The following LINGO2 variants were observed in gnomAD, a reference collection of about 807,000 sequenced individuals.
LINGO2 encodes leucine rich repeat and Ig domain containing 2.
Under a neutral mutation model 30.6 loss-of-function variants are expected in LINGO2, and 14 were observed. The observed-to-expected ratio is 0.46, with a 90% CI of 0.30 to 0.72. The LOEUF (loss-of-function observed/expected upper bound fraction) is 0.72. Ranked by LOEUF, LINGO2 falls within the 30% of genes least tolerant of loss-of-function variation. The pLI, the probability that LINGO2 is intolerant of heterozygous loss-of-function variation, is 0.07. For synonymous variants in LINGO2, 317 were observed against 288.5 expected, an observed-to-expected ratio of 1.10 and a Z score of -1.00; for missense variants, 729 against 751.7, an observed-to-expected ratio of 0.97 and a Z score of 0.35.
At chr9:28,386,456 G>A (rs929461840) in intron 2 of LINGO2, among the ~76,000 whole-genome samples, 2 of 152,102 alleles carry the variant, frequency 1.3e-5, no homozygotes, top group Admixed American at 6.6e-5. Context: ...AAATAATGAT[G>A]AAGAAAGATT....
At chr9:28,181,763 A>G (rs1356625630) in intron 4 of LINGO2, among the ~76,000 whole-genome samples, 1 of 152,126 alleles carries the variant, frequency 6.6e-6, no homozygotes, top group African/African-American at 2.4e-5. Context: ...GTATAGAAAT[A>G]TAGTTTTTAC....
chr9:28,474,958 TATC>T (rs1825672444), intron 2 of LINGO2, among the ~76,000 whole-genome samples: 1 of 152,208 alleles, frequency 6.6e-6, no homozygotes, highest in Non-Finnish European at 1.5e-5. Context: ...GTCTTCTTTT[TATC>T]ATTTCATTTT....
At chr9:28,833,992 C>T in the LINGO2 span, among the ~76,000 whole-genome samples, 1 of 151,420 alleles carries the variant, frequency 6.6e-6, no homozygotes, top group Non-Finnish European at 1.5e-5. Context: ...CAATTTGAAG[C>T]TCCTGGATGT....
chr9:28,774,923 G>T, the LINGO2 span, among the ~76,000 whole-genome samples: 4 of 152,146 alleles, frequency 2.6e-5, no homozygotes, highest in African/African-American at 9.6e-5. Flanking sequence ...GACTGTTTAT[G>T]TGTTTTGCAT....
At chr9:28,727,224 A>C in the LINGO2 span, among the ~76,000 whole-genome samples, 5 of 152,310 alleles carry the variant, frequency 3.3e-5, no homozygotes, top group East Asian at 9.6e-4. Flanking sequence ...AAGAATAGGC[A>C]GCTGGGAATA....
intron 4 of LINGO2, among the ~76,000 whole-genome samples, chr9:28,172,922 G>A (rs1828643333): frequency 6.6e-6 from 1 of 152,146 alleles, no homozygotes; most frequent in African/African-American, 2.4e-5. Context: ...TGATGGACTG[G>A]AGTAATGGGA....
At chr9:28,158,039 G>T (rs1406391972) in intron 4 of LINGO2, among the ~76,000 whole-genome samples, 1 of 152,054 alleles carries the variant, frequency 6.6e-6, no homozygotes, top group Non-Finnish European at 1.5e-5. Context: ...ACATTTTCGG[G>T]TATCTTTTCA....
At chr9:28,269,487 A>T (rs962206407) in intron 4 of LINGO2, among the ~76,000 whole-genome samples, 2 of 152,092 alleles carry the variant, frequency 1.3e-5, no homozygotes, top group Admixed American at 1.3e-4. Flanking sequence ...ACAAATTTCC[A>T]TTTCTACTTT....
chr9:27,973,140 A>G (rs1021296918), intron 5 of LINGO2, among the ~76,000 whole-genome samples: 7 of 152,132 alleles, frequency 4.6e-5, no homozygotes, highest in African/African-American at 1.7e-4. Context: ...TCATAATTGC[A>G]TGATCCAATG....
At chr9:29,141,877 A>G in the LINGO2 span, among the ~76,000 whole-genome samples, 1 of 151,978 alleles carries the variant, frequency 6.6e-6, no homozygotes, top group Admixed American at 6.6e-5. Context: ...ATAAATGTAT[A>G]TGCACTCACT....
At chr9:28,901,539 A>T in the LINGO2 span, among the ~76,000 whole-genome samples, 3 of 152,006 alleles carry the variant, frequency 2.0e-5, no homozygotes, top group Admixed American at 2.0e-4. Context: ...AAAAAGATGT[A>T]AATTGTTACA....
intron 4 of LINGO2, among the ~76,000 whole-genome samples, chr9:28,074,696 T>A (rs1297941754): frequency 1.3e-5 from 2 of 152,132 alleles, no homozygotes; most frequent in Admixed American, 1.3e-4. Flanking sequence ...GCCAAACACA[T>A]GCACTAATTA....
chr9:28,383,020 G>A (rs1185706785), intron 2 of LINGO2, among the ~76,000 whole-genome samples: 1 of 152,004 alleles, frequency 6.6e-6, no homozygotes, highest in Non-Finnish European at 1.5e-5. Flanking sequence ...ATAGTAAAAG[G>A]TGGTAAGTGT....
chr9:28,348,440 C>A (rs1437507606), intron 3 of LINGO2, among the ~76,000 whole-genome samples: 2 of 152,114 alleles, frequency 1.3e-5, no homozygotes, highest in Non-Finnish European at 2.9e-5. Context: ...GCTTTTCTGA[C>A]AGGCTTAAAA....
chr9:27,958,335 T>G (rs1303608970), intron 5 of LINGO2, among the ~76,000 whole-genome samples: 1 of 152,170 alleles, frequency 6.6e-6, no homozygotes, highest in Non-Finnish European at 1.5e-5. Context: ...TTGTAATATT[T>G]TTTGGAATTG....
At chr9:28,506,171 C>T (rs1254259661) in intron 1 of LINGO2, among the ~76,000 whole-genome samples, 3 of 151,352 alleles carry the variant, frequency 2.0e-5, no homozygotes, top group Non-Finnish European at 4.4e-5. Flanking sequence ...TTCACACTTC[C>T]ACTCAAGAAA....
chr9:27,949,331 G>A, exon 6 of LINGO2: 3 of 1,614,122 alleles, frequency 1.9e-6, no homozygotes, highest in Non-Finnish European at 2.5e-6. Flanking sequence ...AACGCCTTCG[G>A]GGTGTCACCC....
intron 4 of LINGO2, among the ~76,000 whole-genome samples, chr9:28,289,846 C>G (rs976801761): frequency 6.6e-6 from 1 of 152,148 alleles, no homozygotes; most frequent in African/African-American, 2.4e-5. Context: ...AGGCTAGAAA[C>G]CAGGAAGCAG....
chr9:29,092,711 TTTA>T, the LINGO2 span, among the ~76,000 whole-genome samples: 2 of 137,134 alleles, frequency 1.5e-5, no homozygotes, highest in African/African-American at 5.5e-5. Context: ...TCTGTTAGCA[TTTA>T]AAGTTCAAAG....
Sources: allele counts gnomAD v4.1 joint callset (sites outside exome capture counted in the v4.1 genomes callset), GRCh38; gene constraint gnomAD v4.1.1; transcripts MANE v1.5; gene names NCBI Gene and HGNC (gene_info 2026-07-23, HGNC 2026-07-21).